Variants in SHANK2 observed in about 807,000 individuals in gnomAD.
SHANK2 encodes the protein SH3 and multiple ankyrin repeat domains protein 2.
SHANK2 carries 43 observed loss-of-function variants against 133.7 expected under a neutral mutation model. The ratio of observed to expected loss-of-function variants is 0.32; its 90% CI spans 0.25 to 0.41. The LOEUF is 0.41. Ranked by LOEUF, SHANK2 falls within the 10% of genes least tolerant of loss-of-function variation. The pLI is 1.00. For synonymous variants in SHANK2, 1,017 were observed against 952.8 expected (o/e 1.07, Z -1.24); for missense variants, 1,994 against 2,235.8 (o/e 0.89, Z 2.18).
chr11:70,612,700 G>T (rs573415782), intron 17 of SHANK2, among the ~76,000 whole-genome samples: 1 of 152,166 alleles, frequency 6.6e-6, no homozygotes, highest in Non-Finnish European at 1.5e-5. Flanking sequence ...TGCAATTCCC[G>T]CGCTCTATCT....
chr11:70,824,908 G>T (rs1948614984), intron 11 of SHANK2, among the ~76,000 whole-genome samples: 1 of 152,176 alleles, frequency 6.6e-6, no homozygotes, highest in Admixed American at 6.5e-5. Flanking sequence ...TTGGAAGACT[G>T]TATTGGTGTG....
chr11:70,662,046 G>T (rs1042961404), intron 15 of SHANK2: 7 of 506,680 alleles, frequency 1.4e-5, no homozygotes, highest in Non-Finnish European at 2.5e-5. Context: ...GAACGGCGGC[G>T]GCGGCAGCGG....
chr11:70,502,165 G>T, intron 19 of SHANK2, 41 bp downstream of exon 19: 2 of 1,542,936 alleles, frequency 1.3e-6, no homozygotes, highest in East Asian at 2.4e-5. Context: ...TCAGGGACCG[G>T]CATGGTGACT....
At chr11:71,107,954 G>C (rs1206255429) in intron 6 of SHANK2, among the ~76,000 whole-genome samples, 1 of 152,166 alleles carries the variant, frequency 6.6e-6, no homozygotes, top group South Asian at 2.1e-4. Context: ...GCGAGACAGA[G>C]AGCCACGCTG....
At position 71,252,356 on chromosome 11, in the gene SHANK2, G is replaced by A. The variant is rs1555126001; in HGVS notation, c.-113+69C>T. The A allele has an allele frequency of 6.6e-6, 1 of 152,206 alleles. No individual in the cohort carries two copies. The highest frequency in any genetic ancestry group is 1.5e-5 in the Non-Finnish European group (1 of 68,130). 9.4% of individuals were successfully genotyped at this position (152,206 alleles called of 1,614,324 possible). A position where few individuals can be genotyped will look rare whatever the true frequency, so the allele number is the denominator to read the frequency against. ...CCCCCAAAATGCCGTCAGTGAGCAG[G>A]ATCGGGTGCCCAAGGGCCACCTCCC... On this transcript the variant is annotated intron_variant, in intron 1 of 25. Transcript: ENST00000601538. The surrounding 1 kb of genome is among the most constrained non-coding windows in gnomAD (Gnocchi z 6.3).
Position 70,515,013 on chromosome 11 carries a change from A to G in SHANK2, c.2062-12082T>C, listed in dbSNP as rs2059247590. On this transcript the variant is annotated intron_variant, in intron 17 of 25. Coordinates refer to ENST00000601538, the MANE Select transcript of SHANK2 (RefSeq NM_012309.5). ...TGAGAGTTAATAAATGAGAAAAGAC[A>G]GTTCCTGGGCAGAATGGCTGTTAAT... Among the ~76,000 whole-genome samples the G allele has an allele frequency of 2.0e-5, 3 of 152,370 alleles. No homozygotes were observed. In the South Asian group the frequency reaches 6.2e-4, roughly 32 times the overall value.
chr11:70,566,045 T>C (rs2059964654), intron 17 of SHANK2, among the ~76,000 whole-genome samples: 1 of 152,158 alleles, frequency 6.6e-6, no homozygotes, highest in Non-Finnish European at 1.5e-5. Flanking sequence ...GGAAAGGGCA[T>C]GTTCTACATG....
intron 10 of SHANK2, among the ~76,000 whole-genome samples, chr11:70,940,626 C>T (rs1367549784): frequency 6.6e-6 from 1 of 152,024 alleles, no homozygotes; most frequent in Non-Finnish European, 1.5e-5. Context: ...GATAATTCCC[C>T]CCAGAACCGA....
intron 2 of SHANK2, among the ~76,000 whole-genome samples, chr11:71,186,917 G>A (rs1555114554): frequency 6.6e-6 from 1 of 152,232 alleles, no homozygotes; most frequent in African/African-American, 2.4e-5. Flanking sequence ...GATTGCCTTT[G>A]ACTTCTTCCT....
chr11:71,225,347 G>A (rs921995132), intron 1 of SHANK2, among the ~76,000 whole-genome samples: 3 of 152,284 alleles, frequency 2.0e-5, no homozygotes, highest in South Asian at 4.1e-4. Context: ...CTGCCAGCGT[G>A]GCATCAAATA....
At chr11:71,243,421 G>A (rs1272920488) in intron 1 of SHANK2, among the ~76,000 whole-genome samples, 7 of 152,340 alleles carry the variant, frequency 4.6e-5, no homozygotes, top group South Asian at 4.1e-4. Flanking sequence ...CAGGCCGGGC[G>A]TGGTGGCTGA....
chr11:70,738,209 C>T (rs1555034005), intron 14 of SHANK2, among the ~76,000 whole-genome samples: 2 of 152,282 alleles, frequency 1.3e-5, no homozygotes, highest in East Asian at 1.9e-4. Context: ...AGTTTCAAAA[C>T]TGCTAAGAGA....
intron 12 of SHANK2, among the ~76,000 whole-genome samples, chr11:70,818,963 G>A (rs1948460928): frequency 1.3e-5 from 2 of 152,222 alleles, no homozygotes; most frequent in Non-Finnish European, 1.5e-5. Flanking sequence ...AGCCCCTGGG[G>A]GCAGGGGTGG....
chr11:70,576,008 G>A (rs560980765), intron 17 of SHANK2, among the ~76,000 whole-genome samples: 3 of 151,986 alleles, frequency 2.0e-5, no homozygotes, highest in African/African-American at 4.8e-5. Flanking sequence ...AATGAGCTTC[G>A]GTGTGCTGCA....
chr11:71,215,009 G>T (rs546842334), intron 2 of SHANK2, among the ~76,000 whole-genome samples: 2 of 152,306 alleles, frequency 1.3e-5, no homozygotes, highest in South Asian at 4.1e-4. Flanking sequence ...ATACACAGAG[G>T]AGCTGGCTGT....
intron 12 of SHANK2, among the ~76,000 whole-genome samples, chr11:70,819,604 T>C (rs1948475094): frequency 6.6e-6 from 1 of 152,048 alleles, no homozygotes; most frequent in African/African-American, 2.4e-5. Context: ...AGACCTGGAG[T>C]TGGACGCCGA....
intron 2 of SHANK2, among the ~76,000 whole-genome samples, chr11:71,186,375 T>G (rs1953672375): frequency 6.6e-6 from 1 of 152,200 alleles, no homozygotes; most frequent in Non-Finnish European, 1.5e-5. Flanking sequence ...CTGAACTGAA[T>G]TAATCTAACT....
intron 2 of SHANK2, among the ~76,000 whole-genome samples, chr11:71,218,330 C>A (rs1253029948): frequency 6.8e-6 from 1 of 146,734 alleles, no homozygotes; most frequent in Non-Finnish European, 1.5e-5. Flanking sequence ...AATGGTGCAA[C>A]CTTGCCTCAC....
At position 70,845,239 on chromosome 11, in the gene SHANK2, G is replaced by C. The variant is rs568714237; in HGVS notation, c.1175-24557C>G. On this transcript the variant is annotated intron_variant, in intron 11 of 25. Transcript: ENST00000601538. ...AAAAAAGAAAAAGAAAGAAAGAAAA[G>C]AAAAGAAAATCTTTTTCTAAAATGA... Among the ~76,000 whole-genome samples, 28 of 141,086 alleles carry C rather than the reference G, an allele frequency of 2.0e-4. No individual in the cohort carries two copies. In the East Asian group the frequency reaches 5.6e-3, roughly 28 times the overall value. 92.6% of individuals were successfully genotyped at this position (141,086 alleles called of 152,430 possible). A position where few individuals can be genotyped will look rare whatever the true frequency, so the allele number is the denominator to read the frequency against.
Sources: allele counts gnomAD v4.1 joint callset (sites outside exome capture counted in the v4.1 genomes callset), GRCh38; gene constraint gnomAD v4.1.1; non-coding constraint Gnocchi (gnomAD v3.1); transcripts MANE v1.5; gene names NCBI Gene and HGNC (gene_info 2026-07-23, HGNC 2026-07-21).